Variants in EDNRA observed in about 807,000 individuals in gnomAD.
The protein encoded by EDNRA is endothelin-1 receptor.
A neutral mutation model predicts 41.4 loss-of-function variants in EDNRA; 11 were observed. That is an observed-to-expected ratio of 0.27 (90% CI 0.17 to 0.44). EDNRA has a LOEUF of 0.44. EDNRA is among the 20% of genes least tolerant of loss of function. The pLI is 1.00. For missense variants in EDNRA, 294 were observed against 531.0 expected, an observed-to-expected ratio of 0.55 and a Z score of 4.39; for synonymous variants, 172 against 183.0, an observed-to-expected ratio of 0.94 and a Z score of 0.49.
intron 4 of EDNRA, among the ~76,000 whole-genome samples, chr4:147,535,539 A>G (rs1730890660): frequency 6.6e-6 from 1 of 152,208 alleles, no homozygotes; most frequent in African/African-American, 2.4e-5. Flanking sequence ...TCTCAAAATC[A>G]TGTTTTATGA....
chr4:147,542,102 A>C (rs1731122694), intron 7 of EDNRA, among the ~76,000 whole-genome samples: 1 of 152,130 alleles, frequency 6.6e-6, no homozygotes, highest in Non-Finnish European at 1.5e-5. Flanking sequence ...TGAGGATCTG[A>C]TAAGGTACCT....
intron 3 of EDNRA, among the ~76,000 whole-genome samples, chr4:147,522,462 C>T (rs865864812): frequency 3.3e-5 from 5 of 151,648 alleles, no homozygotes; most frequent in South Asian, 4.2e-4. Flanking sequence ...CGCTTGAACC[C>T]GGGAGGTGGA....
chr4:147,495,884 C>T (rs1325617931), intron 2 of EDNRA: 1 of 152,206 alleles, frequency 6.6e-6, no homozygotes, highest in Non-Finnish European at 1.5e-5. Flanking sequence ...TAACAGATGA[C>T]ATTTGTGGAT....
chr4:147,537,107 T>A (rs990054759), intron 5 of EDNRA, among the ~76,000 whole-genome samples: 1 of 152,222 alleles, frequency 6.6e-6, no homozygotes, highest in South Asian at 2.1e-4. Context: ...GAGTTGTTGA[T>A]GGAGTCTGTA....
At chr4:147,522,636 C>A (rs961000653) in intron 3 of EDNRA, among the ~76,000 whole-genome samples, 48 of 152,038 alleles carry the variant, frequency 3.2e-4, no homozygotes, top group Non-Finnish European at 1.3e-4. Context: ...AGAGATTAAC[C>A]AAGTCAGCAT....
chr4:147,540,763 T>C (rs1039296453), intron 7 of EDNRA, among the ~76,000 whole-genome samples: 1 of 152,144 alleles, frequency 6.6e-6, no homozygotes, highest in African/African-American at 2.4e-5. Context: ...AATGTTTCAA[T>C]GTATGCTCCA....
At chr4:147,529,507 C>A (rs74343240) in intron 3 of EDNRA, among the ~76,000 whole-genome samples, 3 of 152,006 alleles carry the variant, frequency 2.0e-5, no homozygotes, top group Non-Finnish European at 2.9e-5. Context: ...CGGGGTCCAG[C>A]CAGGTAAATG....
rs1440378906 is a variant in EDNRA at position 147,542,699 on chromosome 4, T to C, written c.*81T>C. On this transcript the variant is annotated 3_prime_UTR_variant, in exon 8 of 8. Transcript: ENST00000651419. ...CAAGGCAACTGTGAGTCCGGGAATCTCTTCTCTGATCCTTCTTCCTTAATT... is the reference window on the plus strand; with the variant it reads ...CAAGGCAACTGTGAGTCCGGGAATCCCTTCTCTGATCCTTCTTCCTTAATT... The C allele has an allele frequency of 2.0e-6, 3 of 1,526,064 alleles. No individual in the cohort carries two copies. Among genetic ancestry groups the C allele is most frequent in the African/African-American group, 1.4e-5 (1 of 73,058 alleles). 94.5% of individuals were successfully genotyped at this position (1,526,064 alleles called of 1,614,324 possible). A position where few individuals can be genotyped will look rare whatever the true frequency, so the allele number is the denominator to read the frequency against.
chr4:147,485,778 C>G lies in EDNRA; in HGVS notation c.97C>G (p.His33Asp). The change falls in exon 2 of 8, where the codon CAT becomes GAT. Residue 33 changes from histidine (H) to aspartate (D), a missense_variant. Physicochemically the swap from His to Asp is moderately conservative, Grantham distance 81. This residue lies in a region of EDNRA where 90 missense variants were observed against 122.8 expected (regional missense o/e 0.73). Coordinates refer to ENST00000651419, the MANE Select transcript of EDNRA (RefSeq NM_001957.4). Reference sequence around the variant, plus strand: ...GAGATACAGCACAAATCTAAGCAATCATGTGGATGATTTCACCACTTTTCG... The same window carrying G: ...GAGATACAGCACAAATCTAAGCAATGATGTGGATGATTTCACCACTTTTCG... ...PERYSTNLSN[H>D]VDDFTTFRGT... 1 of 1,614,222 alleles carries G rather than the reference C, an allele frequency of 6.2e-7. No individual in the cohort carries two copies. Among genetic ancestry groups the G allele is most frequent in the Middle Eastern group, 1.6e-4 (1 of 6,062 alleles).
chr4:147,503,444 A>G (rs1195011519), intron 2 of EDNRA, among the ~76,000 whole-genome samples: 4 of 152,094 alleles, frequency 2.6e-5, no homozygotes, highest in East Asian at 3.9e-4. Flanking sequence ...GCAGGAAAAG[A>G]TCCTTTAGTT....
At chr4:147,513,452 A>AC (rs1490366273) in intron 2 of EDNRA, among the ~76,000 whole-genome samples, 1 of 152,230 alleles carries the variant, frequency 6.6e-6, no homozygotes, top group Non-Finnish European at 1.5e-5. Context: ...GGTCACACAC[A>AC]GTGACTTATT....
chr4:147,500,745 A>G (rs1461032447), intron 2 of EDNRA, among the ~76,000 whole-genome samples: 3 of 143,452 alleles, frequency 2.1e-5, no homozygotes, highest in Non-Finnish European at 3.1e-5. Context: ...GATGGAGGTA[A>G]AAAAAAAAAA....
intron 2 of EDNRA, among the ~76,000 whole-genome samples, chr4:147,498,229 G>T (rs1274944910): frequency 6.6e-6 from 1 of 152,206 alleles, no homozygotes; most frequent in Non-Finnish European, 1.5e-5. Flanking sequence ...ATGAATAAGA[G>T]TTTAAATGTG....
In EDNRA at chr4:147,482,323, A is replaced by G. The variant is rs1007909200; in HGVS notation, c.-71+947A>G. ...TGAGAGTCTCATATGTTAAATGGTT[A>G]AAGTGTAAGCGTAAGGATTCAGTCC... On this transcript the variant is annotated intron_variant, in intron 1 of 7. Transcript: ENST00000651419. Among the ~76,000 whole-genome samples the G allele has an allele frequency of 1.4e-4, 22 of 152,242 alleles. 1 individual carries two copies. The highest frequency in any genetic ancestry group is 1.4e-3 in the Admixed American group (22 of 15,280).
At chr4:147,503,757 A>G (rs746485152) in intron 2 of EDNRA, among the ~76,000 whole-genome samples, 1 of 152,148 alleles carries the variant, frequency 6.6e-6, no homozygotes, top group South Asian at 2.1e-4. Flanking sequence ...CGTTTCTCCA[A>G]ATTTTTGTTC....
chr4:147,488,684 A>G (rs867595171), intron 2 of EDNRA: 1 of 152,356 alleles, frequency 6.6e-6, no homozygotes, highest in East Asian at 1.9e-4. Context: ...GGCTCACAGT[A>G]TTTAGGAGCA....
intron 2 of EDNRA, among the ~76,000 whole-genome samples, chr4:147,505,937 C>T (rs1729700640): frequency 6.6e-6 from 1 of 152,040 alleles, no homozygotes; most frequent in South Asian, 2.1e-4. Flanking sequence ...CGTGAGTGAC[C>T]GCGCCCGGCC....
chr4:147,539,620 C>G (rs1462413689), intron 5 of EDNRA, among the ~76,000 whole-genome samples, 197 bp from the exon 6 acceptor site: 1 of 152,072 alleles, frequency 6.6e-6, no homozygotes, highest in Non-Finnish European at 1.5e-5. Flanking sequence ...TGCCCAGAAG[C>G]ATCATTAGCA....
intron 5 of EDNRA, among the ~76,000 whole-genome samples, chr4:147,537,724 T>A (rs1262451363): frequency 3.3e-5 from 5 of 152,158 alleles, no homozygotes; most frequent in Non-Finnish European, 5.9e-5. Flanking sequence ...CCCTCTGAGA[T>A]CAGTAGGATA....
Sources: allele counts gnomAD v4.1 joint callset (sites outside exome capture counted in the v4.1 genomes callset), GRCh38; gene constraint gnomAD v4.1.1; regional missense constraint gnomAD v4.1.1; transcripts MANE v1.5; gene names NCBI Gene and HGNC (gene_info 2026-07-23, HGNC 2026-07-21).